GRM5: variants seen among roughly 807,000 people sequenced by gnomAD.
GRM5 encodes the protein glutamate metabotropic receptor 5.
A neutral mutation model predicts 83.1 loss-of-function variants in GRM5; 19 were observed. That is an observed-to-expected ratio of 0.23 (90% CI 0.16 to 0.34). GRM5 has a LOEUF of 0.34. Among genes scored for constraint, GRM5 ranks in the 10% least tolerant of loss-of-function variants. The pLI is 1.00. For synonymous variants in GRM5, 675 were observed against 633.6 expected (o/e 1.07, Z -0.98); for missense variants, 1,160 against 1,588.3 (o/e 0.73, Z 4.58).
intron 3 of GRM5, among the ~76,000 whole-genome samples, chr11:88,697,289 C>G (rs751122782): frequency 1.2e-4 from 18 of 152,136 alleles, no homozygotes; most frequent in Non-Finnish European, 2.4e-4. Flanking sequence ...CTCTGCGGCA[C>G]TTTTTCCTGA....
intron 3 of GRM5, among the ~76,000 whole-genome samples, chr11:88,760,818 A>G (rs1035850385): frequency 2.6e-5 from 4 of 152,082 alleles, no homozygotes; most frequent in Admixed American, 6.6e-5. Flanking sequence ...ACAAAATACT[A>G]GCAAACCAAA....
At chr11:88,990,542 T>C (rs1467126449) in intron 2 of GRM5, among the ~76,000 whole-genome samples, 1 of 151,078 alleles carries the variant, frequency 6.6e-6, no homozygotes, top group African/African-American at 2.4e-5. Flanking sequence ...TACCAAAGCC[T>C]GGCAGAGACA....
At chr11:88,993,146 G>A (rs538971947) in intron 2 of GRM5, among the ~76,000 whole-genome samples, 2 of 151,510 alleles carry the variant, frequency 1.3e-5, no homozygotes, top group African/African-American at 4.8e-5. Context: ...GGCGCCTGTA[G>A]TCCTAGCTCC....
chr11:88,583,123 A>T (rs1008784039), intron 7 of GRM5, among the ~76,000 whole-genome samples: 33 of 152,156 alleles, frequency 2.2e-4, no homozygotes, highest in Non-Finnish European at 3.8e-4. Context: ...GGCAAAAAAA[A>T]AAAAAGTCCC....
intron 2 of GRM5, among the ~76,000 whole-genome samples, chr11:88,964,766 G>A (rs1418741617): frequency 2.6e-5 from 4 of 152,146 alleles, no homozygotes; most frequent in Non-Finnish European, 5.9e-5. Context: ...ATTATACACA[G>A]TGAAATAAGA....
At chr11:88,522,453 C>A (rs1043111731) in intron 9 of GRM5, among the ~76,000 whole-genome samples, 1 of 151,984 alleles carries the variant, frequency 6.6e-6, no homozygotes, top group African/African-American at 2.4e-5. Flanking sequence ...TTTATGTGAA[C>A]AAATGTGAAG....
intron 3 of GRM5, among the ~76,000 whole-genome samples, chr11:88,798,824 A>AC: frequency 3.4e-5 from 5 of 147,866 alleles, no homozygotes; most frequent in African/African-American, 1.2e-4. Context: ...AAAAAAAAAA[A>AC]AAACAACAAC....
chr11:88,540,215 C>G (rs1192568454), intron 8 of GRM5, among the ~76,000 whole-genome samples: 1 of 152,190 alleles, frequency 6.6e-6, no homozygotes, highest in Non-Finnish European at 1.5e-5. Flanking sequence ...CTTTCTCTAG[C>G]CTTCTTCCTT....
At chr11:88,836,863 A>G (rs1380688606) in intron 3 of GRM5, among the ~76,000 whole-genome samples, 1 of 152,166 alleles carries the variant, frequency 6.6e-6, no homozygotes, top group Non-Finnish European at 1.5e-5. Context: ...TCTAGAAAAC[A>G]ATAAAGAGCA....
At position 88,567,564 on chromosome 11, in the gene GRM5, T is replaced by C; in HGVS notation, c.2119A>G (p.Ile707Val). 1 of 1,614,178 alleles carries C rather than the reference T, an allele frequency of 6.2e-7. No individual in the cohort carries two copies. Among genetic ancestry groups the C allele is most frequent in the Non-Finnish European group, 8.5e-7 (1 of 1,179,990 alleles). ...AFILICIQLG[I>V]IVALFIMEPP... is the part of the protein sequence containing the mutation. ...TCCATTATAAAGAGGGCAACGATGA[T>C]GCCCAACTGGATGCATATGAGAATG... is the stretch of plus-strand genomic sequence containing the variant. The change falls in exon 8 of 10, where the codon ATC (isoleucine) becomes GTC (valine). Residue 707 changes from isoleucine to valine, a missense_variant. By Grantham distance (29) the Ile-to-Val change is conservative. Coordinates refer to ENST00000305447, the MANE Select transcript of GRM5 (RefSeq NM_001143831.3). This position sits in a 1 kb window ranked among gnomAD's most constrained non-coding sequence, Gnocchi z 7.3.
intron 1 of GRM5, 127 bp from the exon 2 acceptor site, chr11:89,048,199 A>C: frequency 2.6e-5 from 6 of 231,756 alleles, no homozygotes; most frequent in East Asian, 1.1e-4. Flanking sequence ...AAAATTCAAA[A>C]ACGTTTCTGA....
Position 88,987,056 on chromosome 11 carries a change from A to G in GRM5, c.661+60156T>C, listed in dbSNP as rs551015886. On this transcript the variant is annotated intron_variant, in intron 2 of 9. Coordinates refer to ENST00000305447, the MANE Select transcript of GRM5 (RefSeq NM_001143831.3). ...CCGGTCTACAGCTCCCAGCGTGAGCAAGGCAGAAGACGGGTGATTTCTGCA... is the reference window on the plus strand; with the variant it reads ...CCGGTCTACAGCTCCCAGCGTGAGCGAGGCAGAAGACGGGTGATTTCTGCA... Among the ~76,000 whole-genome samples the G allele has an allele frequency of 1.4e-4, 22 of 152,152 alleles. No individual in the cohort carries two copies. In the East Asian group the frequency reaches 3.5e-3, roughly 24 times the overall value.
At chr11:89,020,983 T>C (rs971986058) in intron 2 of GRM5, among the ~76,000 whole-genome samples, 8 of 152,314 alleles carry the variant, frequency 5.3e-5, no homozygotes, top group African/African-American at 1.9e-4. Flanking sequence ...TCCAATACCC[T>C]GTGAGAGTCT....
intron 2 of GRM5, among the ~76,000 whole-genome samples, chr11:88,927,769 G>A (rs527605568): frequency 6.6e-6 from 1 of 152,156 alleles, no homozygotes; most frequent in South Asian, 2.1e-4. Flanking sequence ...GTTTGTGTGT[G>A]TGTTCAATTA....
intron 7 of GRM5, among the ~76,000 whole-genome samples, chr11:88,585,090 C>G (rs1943286810): frequency 6.6e-6 from 1 of 152,178 alleles, no homozygotes; most frequent in Non-Finnish European, 1.5e-5. Flanking sequence ...ATCCCTATCT[C>G]AGAGGAGTCT....
chr11:88,582,991 A>G (rs576871655), intron 7 of GRM5, among the ~76,000 whole-genome samples: 42 of 152,234 alleles, frequency 2.8e-4, no homozygotes, highest in African/African-American at 1.0e-3. Flanking sequence ...GTTTCATTCA[A>G]CTGTAGAATA....
chr11:88,639,775 G>A (rs1289889644), intron 4 of GRM5, among the ~76,000 whole-genome samples: 2 of 152,012 alleles, frequency 1.3e-5, no homozygotes, highest in Admixed American at 6.6e-5. Flanking sequence ...TCTTCAACAA[G>A]CTTATCAGGT....
intron 3 of GRM5, among the ~76,000 whole-genome samples, chr11:88,773,718 C>A (rs1156388956): frequency 1.3e-5 from 2 of 152,116 alleles, no homozygotes; most frequent in African/African-American, 4.8e-5. Flanking sequence ...AATCCTTTCC[C>A]CATTTCTTGT....
rs1945429077 is a variant in GRM5, at chr11:88,907,708, AG to A, written c.662-57554del. 3.9e-5 allele frequency among the ~76,000 whole-genome samples: 6 copies of A among 152,288 alleles called. No homozygotes were observed. The South Asian group carries it at 1.2e-3, about 32-fold the overall frequency. On this transcript the variant is annotated intron_variant, in intron 2 of 9. Transcript: ENST00000305447. ...TTGGAATCAAGCAGGATTAGATCCC[AG>A]GTTTGTTGTTTACTAGCTGGTCAAG...
Sources: allele counts gnomAD v4.1 joint callset (sites outside exome capture counted in the v4.1 genomes callset), GRCh38; gene constraint gnomAD v4.1.1; non-coding constraint Gnocchi (gnomAD v3.1); transcripts MANE v1.5; gene names NCBI Gene and HGNC (gene_info 2026-07-23, HGNC 2026-07-21).